Variants in RNLS observed in about 807,000 individuals in gnomAD.
RNLS encodes renalase.
RNLS carries 39 observed loss-of-function variants against 39.8 expected under a neutral mutation model. That is an observed-to-expected ratio of 0.98 (90% CI 0.76 to 1.28). RNLS has a LOEUF of 1.28. RNLS is among the 50% of genes most tolerant of loss of function. The pLI, the probability that RNLS is intolerant of heterozygous loss-of-function variation, is 0.00. For synonymous variants in RNLS, 147 were observed against 150.7 expected, an observed-to-expected ratio of 0.98 and a Z score of 0.18; for missense variants, 410 against 413.3, an observed-to-expected ratio of 0.99 and a Z score of 0.07.
intron 4 of RNLS, among the ~76,000 whole-genome samples, chr10:88,546,049 G>T (rs139794964): frequency 0.012 from 1,775 of 152,108 alleles, 16 homozygotes; most frequent in Non-Finnish European, 0.017. Context: ...GAGGGATATT[G>T]AGAAAAATAT....
At chr10:88,549,797 G>A (rs538180165) in intron 4 of RNLS, among the ~76,000 whole-genome samples, 38 of 152,206 alleles carry the variant, frequency 2.5e-4, no homozygotes, top group African/African-American at 7.5e-4. Flanking sequence ...GGAGGTTGAG[G>A]CCCAGAAAAA....
chr10:88,363,106 C>A (rs570844797), intron 4 of RNLS, among the ~76,000 whole-genome samples: 3 of 152,272 alleles, frequency 2.0e-5, no homozygotes, highest in Admixed American at 2.0e-4. Context: ...AAGCATTTCA[C>A]TCTATCATAA....
At chr10:88,248,713 C>T in the RNLS span, among the ~76,000 whole-genome samples, 4 of 152,136 alleles carry the variant, frequency 2.6e-5, no homozygotes, top group Admixed American at 1.3e-4. Context: ...TACCCTCCCT[C>T]CCACCAAGAT....
chr10:88,243,654 A>C, the RNLS span, among the ~76,000 whole-genome samples: 1 of 152,244 alleles, frequency 6.6e-6, no homozygotes, highest in Non-Finnish European at 1.5e-5. Flanking sequence ...TGCGGGGAAA[A>C]ACGGAAGTAA....
At chr10:88,422,220 T>C (rs1854451188) in intron 4 of RNLS, among the ~76,000 whole-genome samples, 1 of 152,238 alleles carries the variant, frequency 6.6e-6, no homozygotes. Flanking sequence ...GAAAATGCAC[T>C]ATTCCCTTAT....
chr10:88,539,100 T>C (rs567586480), intron 4 of RNLS, among the ~76,000 whole-genome samples: 28 of 152,254 alleles, frequency 1.8e-4, no homozygotes, highest in Admixed American at 1.7e-3. Flanking sequence ...AGATGGACAA[T>C]GGATAAATTA....
chr10:88,506,527 TAAAAC>T (rs1452072298), intron 4 of RNLS, among the ~76,000 whole-genome samples: 3 of 151,076 alleles, frequency 2.0e-5, no homozygotes, highest in Non-Finnish European at 3.0e-5. Flanking sequence ...TCAGGAAAAA[TAAAAC>T]AAATGAGCAA....
At chr10:88,582,878 C>T (rs1850705561) in intron 1 of RNLS, among the ~76,000 whole-genome samples, 195 bp downstream of exon 1, 1 of 152,204 alleles carries the variant, frequency 6.6e-6, no homozygotes, top group Non-Finnish European at 1.5e-5. Flanking sequence ...CTTCTTGGGC[C>T]TTTTCCCGGG....
the RNLS span, among the ~76,000 whole-genome samples, chr10:88,228,338 A>T: frequency 1.3e-5 from 2 of 152,152 alleles, no homozygotes; most frequent in East Asian, 1.9e-4. Context: ...CGGGTTTTTC[A>T]TCTTTCAGTT....
intron 4 of RNLS, among the ~76,000 whole-genome samples, chr10:88,548,187 G>A (rs1452041945): frequency 1.3e-4 from 19 of 141,846 alleles, no homozygotes; most frequent in African/African-American, 4.8e-4. Context: ...GCTTGAACCC[G>A]GGAGGCGGAG....
At chr10:88,351,257 G>T (rs897490741) in intron 5 of RNLS, among the ~76,000 whole-genome samples, 1 of 152,068 alleles carries the variant, frequency 6.6e-6, no homozygotes, top group Non-Finnish European at 1.5e-5. Flanking sequence ...GTCAATTTTG[G>T]CTTTTGTTGC....
chr10:88,519,583 A>G (rs1846596739), intron 4 of RNLS, among the ~76,000 whole-genome samples: 1 of 150,952 alleles, frequency 6.6e-6, no homozygotes, highest in Admixed American at 6.6e-5. Flanking sequence ...TCCTGACCCT[A>G]CCTATTAAAA....
chr10:88,528,220 G>A (rs1319151579), intron 4 of RNLS, among the ~76,000 whole-genome samples: 1 of 152,116 alleles, frequency 6.6e-6, no homozygotes, highest in Non-Finnish European at 1.5e-5. Context: ...TAAGACATCA[G>A]AATGATGCCA....
Position 88,468,511 on chromosome 10 carries a change from A to G in RNLS, c.526+104392T>C, listed in dbSNP as rs140393442. ...GTGGCATCTAGACTAATACAACTAC[A>G]AATAACTGATAGGAACCACAGTTTT... is the stretch of plus-strand genomic sequence containing the variant. On this transcript the variant is annotated intron_variant, in intron 4 of 6. Coordinates refer to ENST00000331772, the MANE Select transcript of RNLS (RefSeq NM_001031709.3). Among the ~76,000 whole-genome samples the G allele has an allele frequency of 8.5e-5, 13 of 152,280 alleles. No homozygotes were observed. The East Asian group carries it at 2.5e-3, about 29-fold the overall frequency.
the RNLS span, among the ~76,000 whole-genome samples, chr10:88,224,778 C>T: frequency 7.2e-5 from 11 of 152,114 alleles, no homozygotes; most frequent in Non-Finnish European, 1.5e-4. Context: ...ATGTCAAGGT[C>T]ATATGTATAT....
chr10:88,212,391 C>T, the RNLS span, among the ~76,000 whole-genome samples: 1 of 152,126 alleles, frequency 6.6e-6, no homozygotes, highest in East Asian at 1.9e-4. Flanking sequence ...TCCTGTTGAC[C>T]AACTGTGATC....
In RNLS at chr10:88,285,387, T is replaced by A. The variant is rs763903879; in HGVS notation, c.996A>T (p.Leu332=). 1 of 1,611,944 alleles carries A rather than the reference T, an allele frequency of 6.2e-7. No homozygotes were observed. The highest frequency in any genetic ancestry group is 1.7e-5 in the Admixed American group (1 of 59,866). ...SNFDGCITSA[L]CVLEALKNYI ...AATTCTTTAAAGCTTCCAGAACACATAGGGCAGAAGTGATGCAGCCATCAA... is the reference window on the plus strand; with the variant it reads ...AATTCTTTAAAGCTTCCAGAACACAAAGGGCAGAAGTGATGCAGCCATCAA... The change falls in exon 7 of 7, where the codon CTA becomes CTT. Residue 332 remains leucine, a synonymous_variant. Coordinates refer to ENST00000331772, the MANE Select transcript of RNLS (RefSeq NM_001031709.3).
intron 4 of RNLS, among the ~76,000 whole-genome samples, chr10:88,378,501 C>T (rs1313794389): frequency 6.6e-6 from 1 of 152,090 alleles, no homozygotes; most frequent in Non-Finnish European, 1.5e-5. Context: ...CCCACCTCAC[C>T]CCTGCCTTTC....
rs1242739294 is a variant in RNLS at position 88,582,298 on chromosome 10, A to T, written c.128T>A (p.Met43Lys). Residue 43 changes from methionine to lysine, a missense_variant, in exon 2 of 7, where the codon ATG becomes AAG. Met to Lys is a moderately conservative substitution (Grantham distance 95, BLOSUM62 -1). Transcript: ENST00000331772. ...ATTATGAGGACTGCAGGCTGTAGTCATTCTTCCCCCTTGAATTAATCCACA... is the reference window on the plus strand; with the variant it reads ...ATTATGAGGACTGCAGGCTGTAGTCTTTCTTCCCCCTTGAATTAATCCACA... ...WDKAEDSGGR[M>K]TTACSPHNPQ... 6.2e-7 allele frequency: 1 copy of T among 1,612,960 alleles called. No individual in the cohort carries two copies. Among genetic ancestry groups the T allele is most frequent in the East Asian group, 2.2e-5 (1 of 44,830 alleles).
Sources: gnomAD v4.1 joint callset for allele counts (sites outside exome capture counted in the v4.1 genomes callset) on GRCh38, gnomAD v4.1.1 for gene constraint, MANE v1.5 for transcripts, NCBI Gene and HGNC (gene_info 2026-07-23, HGNC 2026-07-21) for gene names.